The following USP34 variants were observed in gnomAD, a reference collection of about 807,000 sequenced individuals.
USP34 encodes ubiquitin carboxyl-terminal hydrolase 34.
USP34 carries 70 observed loss-of-function variants against 460.3 expected under a neutral mutation model. The observed-to-expected ratio is 0.15, with a 90% CI of 0.13 to 0.19. The LOEUF is 0.19. Among genes scored for constraint, USP34 ranks in the 10% least tolerant of loss-of-function variants. The pLI is 1.00. For missense variants in USP34, 3,985 were observed against 4,236.2 expected, an observed-to-expected ratio of 0.94 and a Z score of 1.65; for synonymous variants, 1,647 against 1,405.3, an observed-to-expected ratio of 1.17 and a Z score of -3.85.
chr2:61,293,246 G>A (rs1022611979), intron 33 of USP34, among the ~76,000 whole-genome samples: 1 of 151,926 alleles, frequency 6.6e-6, no homozygotes, highest in African/African-American at 2.4e-5. Context: ...CCAGAGTTTA[G>A]AGTAATTAAT....
At chr2:61,196,069 A>ATTTTTTTTTTTTTTTTTT (rs71403398) in intron 75 of USP34, among the ~76,000 whole-genome samples, 5 of 41,576 alleles carry the variant, frequency 1.2e-4, no homozygotes, top group African/African-American at 4.2e-4. Context: ...ACCATGCACG[A>ATTTTTTTTTTTTTTTTTT]TTTTTTTTTT....
At chr2:61,305,020 A>C (rs1270123929) in intron 27 of USP34, among the ~76,000 whole-genome samples, 1 of 152,174 alleles carries the variant, frequency 6.6e-6, no homozygotes, top group Non-Finnish European at 1.5e-5. Flanking sequence ...CAATAAAATA[A>C]ATTTTAAAAA....
chr2:61,420,706 C>A, intron 2 of USP34, 40 bp downstream of exon 2: 2 of 1,502,786 alleles, frequency 1.3e-6, no homozygotes, highest in Non-Finnish European at 1.8e-6. Context: ...TATAACACAA[C>A]TCACAAAAAT....
chr2:61,431,029 TGAAAC>T (rs1694661758), intron 1 of USP34, among the ~76,000 whole-genome samples: 2 of 150,788 alleles, frequency 1.3e-5, no homozygotes, highest in African/African-American at 2.4e-5. Flanking sequence ...AGAAAAGAAA[TGAAAC>T]GAAATGAAAT....
chr2:61,410,283 G>T (rs1694000303), intron 2 of USP34, among the ~76,000 whole-genome samples: 1 of 152,168 alleles, frequency 6.6e-6, no homozygotes. Flanking sequence ...AGATCATCAA[G>T]CATTATATTC....
Position 61,271,038 on chromosome 2 carries a change from C to A in USP34, c.5434-4871G>T, listed in dbSNP as rs556699432. On this transcript the variant is annotated intron_variant, in intron 41 of 79. Coordinates refer to ENST00000398571, the MANE Select transcript of USP34 (RefSeq NM_014709.4). ...GTGGCTCATGCCTGTAATCCCAGCA[C>A]ACTGGGAGGCTAAGGTGGGCGGATC... 1.7e-3 allele frequency among the ~76,000 whole-genome samples: 254 copies of A among 152,092 alleles called. 1 individual carries two copies. Among genetic ancestry groups the A allele is most frequent in the African/African-American group, 5.7e-3 (236 of 41,508 alleles).
chr2:61,253,900 A>C (rs576690352), intron 48 of USP34, among the ~76,000 whole-genome samples: 6 of 152,178 alleles, frequency 3.9e-5, no homozygotes, highest in South Asian at 2.1e-4. Flanking sequence ...ACAACCGGCT[A>C]ATTTTTGTAT....
rs1558464560 is a variant in USP34, at chr2:61,204,285, G to A, written c.9355C>T (p.Leu3119Phe). 7 of 1,614,050 alleles carry A rather than the reference G, an allele frequency of 4.3e-6. No individual in the cohort carries two copies. The highest frequency in any genetic ancestry group is 5.9e-6 in the Non-Finnish European group (7 of 1,180,042). Residue 3119 changes from leucine to phenylalanine, a missense_variant, in exon 74 of 80, where the codon CTC becomes TTC. By Grantham distance (22) the Leu-to-Phe change is conservative. This residue lies in a region of USP34 where 275 missense variants were observed against 292.7 expected (regional missense o/e 0.94). Transcript: ENST00000398571. ...RPPRPELNMC[L>F]LPTMVETSKG... is the part of the protein sequence containing the mutation. ...CTGGTTTCCACCATTGTGGGCAAGA[G>A]GCACATATTGAGTTCAGGGCGCGGA... is the stretch of plus-strand genomic sequence containing the variant.
At chr2:61,275,774 T>A (rs1038143416) in intron 41 of USP34, among the ~76,000 whole-genome samples, 1 of 152,216 alleles carries the variant, frequency 6.6e-6, no homozygotes, top group Non-Finnish European at 1.5e-5. Flanking sequence ...AGTAAGTGAC[T>A]CAGTCATGCA....
intron 18 of USP34, among the ~76,000 whole-genome samples, chr2:61,339,081 CAA>C (rs927188434): frequency 3.0e-4 from 46 of 152,030 alleles, no homozygotes; most frequent in Admixed American, 7.9e-4. Context: ...TCCCCAGAAT[CAA>C]AAAGATAGTA....
chr2:61,433,084 G>C (rs1479848707), intron 1 of USP34, among the ~76,000 whole-genome samples: 1 of 152,158 alleles, frequency 6.6e-6, no homozygotes, highest in Non-Finnish European at 1.5e-5. Flanking sequence ...AAGGACAAAG[G>C]TTAACAAATA....
chr2:61,323,382 T>C (rs187893196), intron 21 of USP34, among the ~76,000 whole-genome samples: 1 of 151,838 alleles, frequency 6.6e-6, no homozygotes, highest in African/African-American at 2.4e-5. Context: ...GGTGTGGTGG[T>C]GGGCGCCTAT....
rs1162233365 is a variant in USP34, at chr2:61,349,367, C to T, written c.1508-82G>A. 4 of 1,423,898 alleles carry T rather than the reference C, an allele frequency of 2.8e-6. No individual in the cohort carries two copies. In the East Asian group the frequency reaches 6.9e-5, roughly 25 times the overall value. 88.2% of individuals were successfully genotyped at this position (1,423,898 alleles called of 1,614,324 possible). A position where few individuals can be genotyped will look rare whatever the true frequency, so the allele number is the denominator to read the frequency against. ...GACAGCGTATCAGTTGTTCATATTA[C>T]ATAATCAACAAGATGTAAGTGGAGA... On this transcript the variant is annotated intron_variant, in intron 12 of 79. Transcript: ENST00000398571.
intron 2 of USP34, among the ~76,000 whole-genome samples, chr2:61,414,791 T>G (rs1694146297): frequency 3.9e-5 from 6 of 152,188 alleles, no homozygotes; most frequent in Admixed American, 2.6e-4. Context: ...AGGTTTCCTA[T>G]TGGTTACTTG....
intron 5 of USP34, among the ~76,000 whole-genome samples, chr2:61,385,603 C>T (rs1243780537): frequency 1.3e-4 from 16 of 127,090 alleles, no homozygotes; most frequent in Non-Finnish European, 1.6e-4. Flanking sequence ...ACCTGGGAGG[C>T]GGAGCTTGCA....
intron 25 of USP34, among the ~76,000 whole-genome samples, chr2:61,313,204 G>T (rs1044627322): frequency 6.6e-6 from 1 of 150,602 alleles, no homozygotes; most frequent in Non-Finnish European, 1.5e-5. Flanking sequence ...CATAAAACAT[G>T]AACAAATAAA....
At chr2:61,234,501 G>C (rs1009489029) in intron 57 of USP34, among the ~76,000 whole-genome samples, 1 of 151,958 alleles carries the variant, frequency 6.6e-6, no homozygotes, top group South Asian at 2.1e-4. Flanking sequence ...ATTTTTTTTT[G>C]GCGGGGAGAG....
At position 61,366,117 on chromosome 2, in the gene USP34, G is replaced by C. The variant is rs146340436; in HGVS notation, c.1251+4204C>G. 4.5e-4 allele frequency among the ~76,000 whole-genome samples: 68 copies of C among 152,270 alleles called. 2 individuals carry two copies. Among genetic ancestry groups the C allele is most frequent in the Admixed American group, 2.3e-3 (35 of 15,298 alleles). ...ATTTTTGTACTTTTAGTAGAGACAGGGTTTCATCATGTTGGTCAGGCTGGT... is the reference window on the plus strand; with the variant it reads ...ATTTTTGTACTTTTAGTAGAGACAGCGTTTCATCATGTTGGTCAGGCTGGT... On this transcript the variant is annotated intron_variant, in intron 10 of 79. Transcript: ENST00000398571.
chr2:61,193,364 G>GGAAA (rs1558458446), intron 75 of USP34: 1 of 32,706 alleles, frequency 3.1e-5, no homozygotes, highest in Non-Finnish European at 6.0e-5. Flanking sequence ...GAGGGGAAAG[G>GGAAA]TAAAAAAAAA....
Sources: allele counts gnomAD v4.1 joint callset (sites outside exome capture counted in the v4.1 genomes callset), GRCh38; gene constraint gnomAD v4.1.1; regional missense constraint gnomAD v4.1.1; transcripts MANE v1.5; gene names NCBI Gene and HGNC (gene_info 2026-07-23, HGNC 2026-07-21).